The following RNF10 variants were observed in gnomAD, a reference collection of about 807,000 sequenced individuals.
The protein encoded by RNF10 is ring finger protein 10, also known as E3 ubiquitin-protein ligase RNF10.
A neutral mutation model predicts 91.4 loss-of-function variants in RNF10; 38 were observed. The ratio of observed to expected loss-of-function variants is 0.42; its 90% CI spans 0.32 to 0.54. The LOEUF (loss-of-function observed/expected upper bound fraction) is 0.54, where lower values mean the gene tolerates loss of function less well. Ranked by LOEUF, RNF10 falls within the 20% of genes least tolerant of loss-of-function variation. The probability of loss-of-function intolerance (pLI) is 0.16; values close to 1 mark genes in which losing one functional copy is unlikely to be tolerated. For missense variants in RNF10, 945 were observed against 1,012.0 expected, an observed-to-expected ratio of 0.93 and a Z score of 0.90; for synonymous variants, 364 against 366.3, an observed-to-expected ratio of 0.99 and a Z score of 0.07.
At chr12:120,563,096 G>T (rs1291260676) in intron 8 of RNF10, 26 bp downstream of exon 8, 2 of 1,613,650 alleles carry the variant, frequency 1.2e-6, no homozygotes, top group African/African-American at 2.7e-5. Flanking sequence ...TTACTAAGTG[G>T]CTGCCGTTCC....
At position 120,534,984 on chromosome 12, in the gene RNF10, C is replaced by T. The variant is rs765006055; in HGVS notation, c.157+16C>T. On this transcript the variant is annotated intron_variant, in intron 1 of 16. Coordinates refer to ENST00000325954, the MANE Select transcript of RNF10 (RefSeq NM_014868.5). ...CCCAAGAGCGGTAAGGACGGGCCTG[C>T]GGCAGTGGGCGGGGGCGACTGCCCC... 4 of 1,580,350 alleles carry T rather than the reference C, an allele frequency of 2.5e-6. No individual in the cohort carries two copies. The highest frequency in any genetic ancestry group is 2.3e-5 in the East Asian group (1 of 43,630).
chr12:120,546,371 T>C, intron 1 of RNF10, 34 bp from the exon 2 acceptor site: 1 of 1,592,160 alleles, frequency 6.3e-7, no homozygotes, highest in Non-Finnish European at 8.6e-7. Flanking sequence ...TGTATCAGCT[T>C]CTTAAGACGT....
At position 120,554,758 on chromosome 12, in the gene RNF10, C is replaced by G; in HGVS notation, c.595C>G (p.His199Asp). The G allele has an allele frequency of 6.2e-7, 1 of 1,614,124 alleles. No homozygotes were observed. ...GTCTGAAGACCAAGACTACACAGCT[C>G]ATTTTGCTGATCCTGATACATTAGT... ...VVSEDQDYTA[H>D]FADPDTLVNW... Residue 199 changes from histidine to aspartate, a missense_variant, in exon 4 of 17, where the codon CAT becomes GAT. His to Asp is a moderately conservative substitution (Grantham distance 81). Transcript: ENST00000325954.
chr12:120,549,900 G>A (rs528756214), intron 2 of RNF10, among the ~76,000 whole-genome samples: 1 of 152,326 alleles, frequency 6.6e-6, no homozygotes, highest in Non-Finnish European at 1.5e-5. Context: ...GGAGGTCCTA[G>A]TGGGGGTAAA....
chr12:120,576,090 A>G (rs757148393), intron 16 of RNF10, 140 bp downstream of exon 16: 3 of 843,494 alleles, frequency 3.6e-6, no homozygotes, highest in African/African-American at 1.7e-5. Context: ...TGTCATTTAA[A>G]TAATACTCCA....
At chr12:120,547,964 G>A (rs918972598) in intron 2 of RNF10, among the ~76,000 whole-genome samples, 2 of 152,182 alleles carry the variant, frequency 1.3e-5, no homozygotes, top group Non-Finnish European at 2.9e-5. Context: ...GAGACGTTAA[G>A]ATTTGAGATA....
rs1874198114 is a variant in RNF10 at position 120,557,371 on chromosome 12, C to T, written c.735C>T (p.Cys245=). Residue 245 remains cysteine, a synonymous_variant, in exon 5 of 17, where the codon TGC becomes TGT. Coordinates refer to ENST00000325954, the MANE Select transcript of RNF10 (RefSeq NM_014868.5). ...AKITRCGHIF[C]WACILHYLSL... is the part of the protein sequence containing the mutation. ...TAACCCGTTGTGGACACATCTTCTG[C>T]TGGGCATGCATCCTGCACTATCTTT... is the stretch of plus-strand genomic sequence containing the variant. 1 of 1,614,180 alleles carries T rather than the reference C, an allele frequency of 6.2e-7. No individual in the cohort carries two copies. The highest frequency in any genetic ancestry group is 1.3e-5 in the African/African-American group (1 of 75,046).
chr12:120,576,700 T>A lies in RNF10; in HGVS notation c.*34T>A. The A allele has an allele frequency of 6.3e-7, 1 of 1,588,836 alleles. No individual in the cohort carries two copies. The highest frequency in any genetic ancestry group is 8.5e-7 in the Non-Finnish European group (1 of 1,173,044). On this transcript the variant is annotated 3_prime_UTR_variant, in exon 17 of 17. Coordinates refer to ENST00000325954, the MANE Select transcript of RNF10 (RefSeq NM_014868.5). ...GCCCAGGCTACCTTCTCCATCTGGT[T>A]TTTGTTTTTGTTTTTTTTTCCCCCA...
intron 1 of RNF10, among the ~76,000 whole-genome samples, chr12:120,536,229 T>C (rs575047285): frequency 6.6e-6 from 1 of 151,940 alleles, no homozygotes; most frequent in African/African-American, 2.4e-5. Flanking sequence ...TCACACCAGC[T>C]TGGGCAAGAT....
At chr12:120,563,656 GCAGAGGTGTTT>G in intron 9 of RNF10, 33 bp downstream of exon 9, 1 of 1,573,882 alleles carries the variant, frequency 6.4e-7, no homozygotes, top group South Asian at 1.2e-5. Flanking sequence ...CTGGGTTGCC[GCAGAGGTGTTT>G]CAGAGGTGAC....
At chr12:120,574,501 T>C (rs1388668440) in intron 14 of RNF10, 5 of 455,972 alleles carry the variant, frequency 1.1e-5, no homozygotes, top group African/African-American at 1.0e-4. Context: ...ATCTGAAAGT[T>C]AATGATGAAG....
At chr12:120,573,585 CAAA>C (rs113333301) in intron 14 of RNF10, among the ~76,000 whole-genome samples, 3 of 138,884 alleles carry the variant, frequency 2.2e-5, no homozygotes, top group Middle Eastern at 3.7e-3. Context: ...AGTCATTTAT[CAAA>C]AAAAAAAAAA....
intron 1 of RNF10, chr12:120,539,301 TAGCA>T (rs1871235522): frequency 2.6e-6 from 2 of 768,596 alleles, no homozygotes; most frequent in Non-Finnish European, 1.9e-6. Context: ...TAATCACACT[TAGCA>T]AGCAGATAAC....
chr12:120,572,221 C>T (rs959432835), intron 14 of RNF10, among the ~76,000 whole-genome samples: 48 of 151,780 alleles, frequency 3.2e-4, no homozygotes, highest in African/African-American at 1.1e-3. Context: ...CGCCTGCCAC[C>T]ACGCCCGGCT....
Position 120,552,013 on chromosome 12 carries a change from CT to C in RNF10, c.355-472del, listed in dbSNP as rs111247951. ...ACTGCATAAGAGGAAATGCTACATA[CT>C]TTTTTTTTTTTTTGAGCTGAGGTCG... On this transcript the variant is annotated intron_variant, in intron 2 of 16. Transcript: ENST00000325954. Among the ~76,000 whole-genome samples the C allele has an allele frequency of 3.7e-3, 483 of 130,566 alleles. 1 individual carries two copies. Among genetic ancestry groups the C allele is most frequent in the Middle Eastern group, 0.012 (3 of 242 alleles). The allele number at this position is 130,566 out of a possible 152,430, so 85.7% of individuals were successfully genotyped here. A position where few individuals can be genotyped will look rare whatever the true frequency, so the allele number is the denominator to read the frequency against.
In RNF10 at chr12:120,576,755, G is replaced by C; in HGVS notation, c.*89G>C. 1 of 1,561,334 alleles carries C rather than the reference G, an allele frequency of 6.4e-7. No individual in the cohort carries two copies. Among genetic ancestry groups the C allele is most frequent in the Non-Finnish European group, 8.7e-7 (1 of 1,153,750 alleles). On this transcript the variant is annotated 3_prime_UTR_variant, in exon 17 of 17. Coordinates refer to ENST00000325954, the MANE Select transcript of RNF10 (RefSeq NM_014868.5). ...TTTGTTTGGCTGCTGTAATTTTTAAGTATTTGAGTTTGAACAGATTAGCTC... is the reference window on the plus strand; with the variant it reads ...TTTGTTTGGCTGCTGTAATTTTTAACTATTTGAGTTTGAACAGATTAGCTC...
At chr12:120,547,892 C>T (rs1166708908) in intron 2 of RNF10, among the ~76,000 whole-genome samples, 2 of 152,036 alleles carry the variant, frequency 1.3e-5, no homozygotes, top group African/African-American at 4.8e-5. Context: ...TAAGAGACTA[C>T]AAAGATATTC....
rs747731001 is a variant in RNF10, at chr12:120,577,457, C to A, written c.*791C>A. 7.6e-6 allele frequency: 2 copies of A among 264,348 alleles called. No individual in the cohort carries two copies. The highest frequency in any genetic ancestry group is 1.0e-4 in the Admixed American group (2 of 19,300). The allele number at this position is 264,348 out of a possible 1,614,324, so 16.4% of individuals were successfully genotyped here. ...GGTAGCATTGCCACCATCTCCCTCT[C>A]ATCTAGAGCAGTTTTCTTATGCCTT... is the stretch of plus-strand genomic sequence containing the variant. On this transcript the variant is annotated 3_prime_UTR_variant, in exon 17 of 17. Coordinates refer to ENST00000325954, the MANE Select transcript of RNF10 (RefSeq NM_014868.5).
chr12:120,534,920 C>G lies in RNF10; in HGVS notation c.109C>G (p.Pro37Ala). ...SSGSSKGQQP[P>A]RSASAGPAGE... is the part of the protein sequence containing the mutation. ...GGGCAGCAGCAAAGGGCAACAGCCG[C>G]CCCGCTCCGCCTCGGCGGGGCCAGC... Residue 37 changes from proline (P) to alanine (A), a missense_variant, in exon 1 of 17, where the codon CCC becomes GCC. Transcript: ENST00000325954. 1 of 1,605,956 alleles carries G rather than the reference C, an allele frequency of 6.2e-7. No homozygotes were observed.
Sources: gnomAD v4.1 joint callset for allele counts (sites outside exome capture counted in the v4.1 genomes callset) on GRCh38, gnomAD v4.1.1 for gene constraint, MANE v1.5 for transcripts, NCBI Gene and HGNC (gene_info 2026-07-23, HGNC 2026-07-21) for gene names.